The following MYO5B variants were observed in gnomAD, a reference collection of about 807,000 sequenced individuals.
MYO5B encodes unconventional myosin-Vb.
Under a neutral mutation model 229.3 loss-of-function variants are expected in MYO5B, and 143 were observed. The observed-to-expected ratio is 0.62, with a 90% CI of 0.54 to 0.72. The LOEUF is 0.72. MYO5B is among the 30% of genes least tolerant of loss of function. MYO5B has a pLI of 0.00. For synonymous variants in MYO5B, 918 were observed against 885.2 expected (o/e 1.04, Z -0.66); for missense variants, 2,321 against 2,331.0 (o/e 1.00, Z 0.09).
rs781030194 is a variant in MYO5B, at chr18:49,963,039, T to C, written c.1323-9A>G. 8.1e-6 allele frequency: 13 copies of C among 1,611,664 alleles called. No homozygotes were observed. The African/African-American group carries it at 1.3e-4, about 17-fold the overall frequency. On this transcript the variant is annotated splice_polypyrimidine_tract_variant and intron_variant, in intron 10 of 39. Transcript: ENST00000285039. ...CCTCAAATGTCTCAAACCTACAGAA[T>C]GGAAAGAGAAGATAAGAGACGTCTC...
In MYO5B at chr18:49,826,951, G is replaced by GT. The variant is rs112786334; in HGVS notation, c.5395-329dup. ...TATAGTGAAGTGGCCAAGGGCATGGGTTTTTTTTTTTAGGTAGACAGCTGA... is the reference window on the plus strand; with the variant it reads ...TATAGTGAAGTGGCCAAGGGCATGGGTTTTTTTTTTTTAGGTAGACAGCTGA... On this transcript the variant is annotated intron_variant, in intron 39 of 39. Transcript: ENST00000285039. 9.2e-3 allele frequency among the ~76,000 whole-genome samples: 1,349 copies of GT among 147,214 alleles called. 11 individuals carry two copies. Among genetic ancestry groups the GT allele is most frequent in the African/African-American group, 0.025 (1,013 of 40,416 alleles).
At chr18:49,981,485 A>G (rs2025813908) in intron 8 of MYO5B, among the ~76,000 whole-genome samples, 1 of 152,274 alleles carries the variant, frequency 6.6e-6, no homozygotes, top group African/African-American at 2.4e-5. Context: ...CAACCCAAGC[A>G]ACATTAACTC....
At chr18:50,049,144 T>C (rs1401154640) in intron 2 of MYO5B, among the ~76,000 whole-genome samples, 1 of 152,188 alleles carries the variant, frequency 6.6e-6, no homozygotes, top group African/African-American at 2.4e-5. Flanking sequence ...TTCTACAGAT[T>C]CTTGAAATTA....
chr18:49,921,751 G>A (rs1438582238), intron 17 of MYO5B, among the ~76,000 whole-genome samples: 1 of 152,198 alleles, frequency 6.6e-6, no homozygotes, highest in Non-Finnish European at 1.5e-5. Context: ...TAGGCTGGAT[G>A]CAGGAACTCT....
intron 1 of MYO5B, among the ~76,000 whole-genome samples, chr18:50,162,905 C>CCA (rs1277647419): frequency 6.6e-6 from 1 of 152,206 alleles, no homozygotes; most frequent in Non-Finnish European, 1.5e-5. Context: ...CATCTCCCTC[C>CCA]CACATTCCAA....
intron 1 of MYO5B, among the ~76,000 whole-genome samples, chr18:50,155,137 A>C (rs1402477983): frequency 6.6e-6 from 1 of 152,210 alleles, no homozygotes; most frequent in African/African-American, 2.4e-5. Flanking sequence ...TTTCCAGTAC[A>C]GGGAGACCTT....
chr18:49,868,347 CAACT>C (rs1447028254), intron 27 of MYO5B, among the ~76,000 whole-genome samples: 1 of 152,186 alleles, frequency 6.6e-6, no homozygotes, highest in Admixed American at 6.5e-5. Context: ...AGGATCTTCT[CAACT>C]GAGTCTTTTC....
chr18:50,050,480 C>T (rs2030362158), intron 2 of MYO5B, among the ~76,000 whole-genome samples: 1 of 152,188 alleles, frequency 6.6e-6, no homozygotes, highest in Non-Finnish European at 1.5e-5. Flanking sequence ...TGTTCAGTAC[C>T]ATCCTTAGAC....
intron 7 of MYO5B, among the ~76,000 whole-genome samples, chr18:49,986,596 G>A (rs1333823752): frequency 6.6e-6 from 1 of 152,216 alleles, no homozygotes; most frequent in Admixed American, 6.5e-5. Flanking sequence ...ACATTTTAAT[G>A]AGGAAAACCA....
At chr18:50,094,855 T>C (rs535303651) in intron 1 of MYO5B, among the ~76,000 whole-genome samples, 1 of 152,090 alleles carries the variant, frequency 6.6e-6, no homozygotes, top group African/African-American at 2.4e-5. Flanking sequence ...TTTAAAACAG[T>C]CTCGCTCTGT....
intron 14 of MYO5B, among the ~76,000 whole-genome samples, chr18:49,950,222 T>G (rs1047210613): frequency 3.3e-5 from 5 of 152,132 alleles, no homozygotes; most frequent in African/African-American, 4.8e-5. Context: ...GGGTTGTTGC[T>G]GGGATGGGGA....
At chr18:49,921,050 G>A (rs1443638482) in intron 17 of MYO5B, among the ~76,000 whole-genome samples, 2 of 152,156 alleles carry the variant, frequency 1.3e-5, no homozygotes, top group Admixed American at 1.3e-4. Context: ...GTAACTGTGC[G>A]TCTGTTTTAA....
At chr18:50,122,756 C>G (rs893495545) in intron 1 of MYO5B, among the ~76,000 whole-genome samples, 7 of 151,660 alleles carry the variant, frequency 4.6e-5, no homozygotes, top group African/African-American at 1.7e-4. Flanking sequence ...ATCAAAACCA[C>G]AATAAGACAC....
chr18:49,864,490 A>C (rs1438587067), intron 27 of MYO5B, 110 bp from the exon 28 acceptor site: 1 of 1,459,282 alleles, frequency 6.9e-7, no homozygotes, highest in Non-Finnish European at 9.3e-7. Context: ...TTCGCTCTTT[A>C]AACGTTGACA....
At chr18:50,029,800 G>A (rs2026368382) in intron 4 of MYO5B, among the ~76,000 whole-genome samples, 1 of 152,186 alleles carries the variant, frequency 6.6e-6, no homozygotes, top group African/African-American at 2.4e-5. Flanking sequence ...TGGACACATG[G>A]CAGGTTGGGA....
rs767872256 is a variant in MYO5B, at chr18:49,837,814, GCA to G, written c.4853-14_4853-13del. 2.5e-6 allele frequency: 4 copies of G among 1,613,634 alleles called. No homozygotes were observed. The highest frequency in any genetic ancestry group is 4.5e-5 in the East Asian group (2 of 44,888). On this transcript the variant is annotated splice_polypyrimidine_tract_variant and intron_variant, in intron 36 of 39. Transcript: ENST00000285039. ...CAACATGGCAGAAACTGAAATAAAAGCACAGTTAGAGAAGCTTGCATTCCCCA... is the reference window on the plus strand; with the variant it reads ...CAACATGGCAGAAACTGAAATAAAAGCAGTTAGAGAAGCTTGCATTCCCCA...
chr18:50,033,102 G>A (rs2026408389), intron 4 of MYO5B, among the ~76,000 whole-genome samples: 1 of 152,168 alleles, frequency 6.6e-6, no homozygotes, highest in Non-Finnish European at 1.5e-5. Context: ...ATTTGCCACA[G>A]CAGTTGCACC....
chr18:49,925,862 A>G (rs2025123575), intron 17 of MYO5B, among the ~76,000 whole-genome samples: 1 of 152,170 alleles, frequency 6.6e-6, no homozygotes, highest in African/African-American at 2.4e-5. Context: ...TAGTGGTTTG[A>G]ACTCAAAACT....
chr18:50,095,576 C>T lies in MYO5B; in HGVS notation c.28-40198G>A, dbSNP rs1240900892. ...ATGGGTGGGTGTGTCTGCACTGAGC[C>T]CTTAGACACACCTAAGCCCAGCCCC... On this transcript the variant is annotated intron_variant, in intron 1 of 39. Transcript: ENST00000285039. Among the ~76,000 whole-genome samples, 9 of 152,264 alleles carry T rather than the reference C, an allele frequency of 5.9e-5. No homozygotes were observed. The East Asian group carries it at 1.3e-3, about 23-fold the overall frequency.
Sources: gnomAD v4.1 joint callset for allele counts (sites outside exome capture counted in the v4.1 genomes callset) on GRCh38, gnomAD v4.1.1 for gene constraint, MANE v1.5 for transcripts, NCBI Gene and HGNC (gene_info 2026-07-23, HGNC 2026-07-21) for gene names.